The following NDUFA7 variants were observed in gnomAD, a reference collection of about 807,000 sequenced individuals.
NDUFA7 encodes the protein NADH:ubiquinone oxidoreductase subunit A7, also known as NADH dehydrogenase [ubiquinone] 1 alpha subcomplex subunit 7.
In NDUFA7, 18 loss-of-function variants were observed where a neutral mutation model predicts 14.2. The ratio of observed to expected loss-of-function variants is 1.27; its 90% confidence interval spans 0.88 to 1.88. The LOEUF (loss-of-function observed/expected upper bound fraction) is 1.88. Among genes scored for constraint, NDUFA7 ranks in the 40% most tolerant of loss-of-function variants. NDUFA7 has a pLI of 0.00. For missense variants in NDUFA7, 172 were observed against 147.3 expected, an observed-to-expected ratio of 1.17 and a Z score of -0.87; for synonymous variants, 75 against 62.1, an observed-to-expected ratio of 1.21 and a Z score of -0.98.
chr19:8,320,310 G>A (rs1970287162), intron 2 of NDUFA7, among the ~76,000 whole-genome samples: 1 of 152,096 alleles, frequency 6.6e-6, no homozygotes, highest in Admixed American at 6.6e-5. Flanking sequence ...AAGCATTCCA[G>A]AACAATACTA....
chr19:8,317,692 G>T (rs1970251435), intron 2 of NDUFA7, among the ~76,000 whole-genome samples: 1 of 152,100 alleles, frequency 6.6e-6, no homozygotes, highest in Non-Finnish European at 1.5e-5. Flanking sequence ...CTGCAGCCTG[G>T]ATGATATATG....
chr19:8,313,117 C>T (rs1970196675), intron 3 of NDUFA7, among the ~76,000 whole-genome samples: 1 of 151,070 alleles, frequency 6.6e-6, no homozygotes, highest in Non-Finnish European at 1.5e-5. Flanking sequence ...CTAATAGAGA[C>T]GGGGTCTCGC....
downstream of NDUFA7, among the ~76,000 whole-genome samples, chr19:8,309,494 G>A (rs1320187907): frequency 6.6e-6 from 1 of 151,912 alleles, no homozygotes; most frequent in Non-Finnish European, 1.5e-5. Flanking sequence ...AAAAGTTGTG[G>A]TCATAAAACT....
At chr19:8,309,231 T>C (rs1388983974), downstream of NDUFA7, among the ~76,000 whole-genome samples, 2 of 151,950 alleles carry the variant, frequency 1.3e-5, no homozygotes, top group South Asian at 2.1e-4. Context: ...CCCCAGCACT[T>C]TGGGAGGCCG....
intron 2 of NDUFA7, among the ~76,000 whole-genome samples, chr19:8,317,834 CA>C (rs1166182043): frequency 1.3e-5 from 2 of 152,094 alleles, no homozygotes; most frequent in African/African-American, 4.8e-5. Flanking sequence ...TGGCTAAAAA[CA>C]ATTTTTCTAT....
Position 8,321,314 on chromosome 19 carries a change from C to T in NDUFA7, c.45G>A (p.Ala15=). ...CCCTGTCCGCCCCGCGCACCCCGGA[C>T]GCCCAGTTCCGCAGCCGCTGGATGA... The part of the protein sequence containing the change: ...TRLIQRLRNW[A]SGHDLQGKLQ... Residue 15 remains alanine (A), a synonymous_variant, in exon 1 of 4, where the codon GCG becomes GCA. Coordinates refer to ENST00000301457, the MANE Select transcript of NDUFA7 (RefSeq NM_005001.5). 1 of 1,575,384 alleles carries T rather than the reference C, an allele frequency of 6.3e-7. No homozygotes were observed. Among genetic ancestry groups the T allele is most frequent in the South Asian group, 1.2e-5 (1 of 86,426 alleles).
intron 3 of NDUFA7, 70 bp downstream of exon 3, chr19:8,316,426 A>G: frequency 6.3e-7 from 1 of 1,577,894 alleles, no homozygotes; most frequent in Non-Finnish European, 8.6e-7. Context: ...CCCTTTCCAC[A>G]AGTTGGGAGA....
At chr19:8,320,644 G>T (rs1970291549) in intron 2 of NDUFA7, among the ~76,000 whole-genome samples, 1 of 152,128 alleles carries the variant, frequency 6.6e-6, no homozygotes, top group African/African-American at 2.4e-5. Context: ...TAGCCTGATT[G>T]CCAGTCAGAA....
Position 8,316,570 on chromosome 19 carries a change from G to A in NDUFA7, c.177C>T (p.Gly59=). ...LSNNYYCTRD[G]RRESVPPSII... ...TGGAAGGGGGCACAGATTCCCGGCG[G>A]CCATCGCGAGTGCAATAGTAATTGT... The change falls in exon 3 of 4, where the codon GGC becomes GGT. Residue 59 remains glycine, a synonymous_variant. Transcript: ENST00000301457. The A allele has an allele frequency of 6.2e-7, 1 of 1,614,160 alleles. No homozygotes were observed. Among genetic ancestry groups the A allele is most frequent in the Non-Finnish European group, 8.5e-7 (1 of 1,180,030 alleles).
At chr19:8,321,132 G>C in intron 1 of NDUFA7, 176 bp downstream of exon 1, 1 of 927,806 alleles carries the variant, frequency 1.1e-6, no homozygotes, top group Non-Finnish European at 1.6e-6. Context: ...CCAGGCCTGA[G>C]TGGTTCCCAG....
chr19:8,312,389 G>A (rs1220555126), intron 3 of NDUFA7, among the ~76,000 whole-genome samples: 1 of 152,160 alleles, frequency 6.6e-6, no homozygotes, highest in African/African-American at 2.4e-5. Flanking sequence ...CATCTCTGGG[G>A]GCATGGCAAG....
At chr19:8,315,098 G>A (rs375219823) in intron 3 of NDUFA7, among the ~76,000 whole-genome samples, 39 of 152,106 alleles carry the variant, frequency 2.6e-4, no homozygotes, top group Non-Finnish European at 4.7e-4. Flanking sequence ...CTTAAGAGTC[G>A]TCACCACTCC....
chr19:8,311,384 T>G lies in NDUFA7; in HGVS notation c.*121A>C, dbSNP rs1970174739. 1 of 796,442 alleles carries G rather than the reference T, an allele frequency of 1.3e-6. No homozygotes were observed. The highest frequency in any genetic ancestry group is 2.7e-5 in the Admixed American group (1 of 37,270). The allele number at this position is 796,442 out of a possible 1,614,324, so 49.3% of individuals were successfully genotyped here. On this transcript the variant is annotated 3_prime_UTR_variant, in exon 4 of 4. Coordinates refer to ENST00000301457, the MANE Select transcript of NDUFA7 (RefSeq NM_005001.5). ...GTGAGACTCTGTCTCTATTTTTTTA[T>G]TTTTTAAAGTAAAACTAGAAGTGAT...
In NDUFA7 at chr19:8,312,834, T is replaced by G. The variant is rs544897571; in HGVS notation, c.252-1239A>C. Among the ~76,000 whole-genome samples, 8 of 152,198 alleles carry G rather than the reference T, an allele frequency of 5.3e-5. No individual in the cohort carries two copies. In the South Asian group the frequency reaches 1.7e-3, roughly 32 times the overall value. Reference sequence around the variant, plus strand: ...TGCACACCACCACACCCGGCTAATTTTTGTATTTTTTGTAGAGATGGGGTT... The same window carrying G: ...TGCACACCACCACACCCGGCTAATTGTTGTATTTTTTGTAGAGATGGGGTT... On this transcript the variant is annotated intron_variant, in intron 3 of 3. Coordinates refer to ENST00000301457, the MANE Select transcript of NDUFA7 (RefSeq NM_005001.5).
chr19:8,311,655 G>A, intron 3 of NDUFA7, 60 bp from the exon 4 acceptor site: 1 of 1,455,712 alleles, frequency 6.9e-7, no homozygotes, highest in Non-Finnish European at 9.5e-7. Flanking sequence ...AGATCTGAGG[G>A]AGCCCACACC....
intron 2 of NDUFA7, among the ~76,000 whole-genome samples, chr19:8,318,530 G>A (rs1267269414): frequency 2.6e-5 from 4 of 151,852 alleles, no homozygotes; most frequent in African/African-American, 4.8e-5. Context: ...GCCAGGCACG[G>A]TAACATGTGC....
chr19:8,317,610 T>A (rs772722842), intron 2 of NDUFA7, among the ~76,000 whole-genome samples: 23 of 152,178 alleles, frequency 1.5e-4, no homozygotes, highest in Non-Finnish European at 3.1e-4. Flanking sequence ...TTAGCCATGT[T>A]TCTAAGTCAC....
chr19:8,308,603 T>G (rs1036791772), downstream of NDUFA7, among the ~76,000 whole-genome samples: 2 of 152,226 alleles, frequency 1.3e-5, no homozygotes, highest in African/African-American at 4.8e-5. Context: ...TGTTACTGCC[T>G]CGTGATCTTC....
chr19:8,309,397 C>A (rs1970147656), downstream of NDUFA7, among the ~76,000 whole-genome samples: 1 of 151,906 alleles, frequency 6.6e-6, no homozygotes, highest in Admixed American at 6.6e-5. Flanking sequence ...TCGCTTGAAC[C>A]CGGGAGGCGG....
Sources: allele counts gnomAD v4.1 joint callset (sites outside exome capture counted in the v4.1 genomes callset), GRCh38; gene constraint gnomAD v4.1.1; transcripts MANE v1.5; gene names NCBI Gene and HGNC (gene_info 2026-07-23, HGNC 2026-07-21).